The following MTBP variants were observed in gnomAD, a reference collection of about 807,000 sequenced individuals.
The protein encoded by MTBP is mdm2-binding protein.
MTBP carries 101 observed loss-of-function variants against 117.0 expected under a neutral mutation model. That is an observed-to-expected ratio of 0.86 (90% CI 0.73 to 1.02). The LOEUF (loss-of-function observed/expected upper bound fraction) is 1.02. Ranked by LOEUF, MTBP falls within the 50% of genes least tolerant of loss-of-function variation. The pLI, the probability that MTBP is intolerant of heterozygous loss-of-function variation, is 0.00. For missense variants in MTBP, 970 were observed against 1,030.9 expected (o/e 0.94, Z 0.81); for synonymous variants, 350 against 351.5 (o/e 1.00, Z 0.05).
At chr8:120,510,163 G>A in intron 17 of MTBP, 134 bp downstream of exon 17, 1 of 541,924 alleles carries the variant, frequency 1.8e-6, no homozygotes, top group Non-Finnish European at 3.1e-6. Context: ...AAAAAGCAAA[G>A]TAGTGCATAC....
chr8:120,479,328 C>G (rs989413136), intron 11 of MTBP, among the ~76,000 whole-genome samples: 1 of 152,136 alleles, frequency 6.6e-6, no homozygotes, highest in Non-Finnish European at 1.5e-5. Flanking sequence ...TAGCACAGTA[C>G]AAGTGATCTA....
At chr8:120,489,272 C>T (rs866095052) in intron 12 of MTBP, among the ~76,000 whole-genome samples, 5 of 151,990 alleles carry the variant, frequency 3.3e-5, no homozygotes, top group Non-Finnish European at 5.9e-5. Context: ...CTCTTGACCT[C>T]GTGATCTGCC....
At chr8:120,497,582 G>GTTA (rs201682486) in intron 14 of MTBP, 28 bp downstream of exon 14, 6 of 1,119,838 alleles carry the variant, frequency 5.4e-6, no homozygotes, top group Non-Finnish European at 7.4e-6. Context: ...TTAAATTTTA[G>GTTA]TTCGTGTGTG....
chr8:120,509,872 C>A, intron 16 of MTBP, 62 bp from the exon 17 acceptor site: 2 of 1,173,558 alleles, frequency 1.7e-6, no homozygotes, highest in Admixed American at 2.1e-5. Context: ...TAGATACTTT[C>A]TTTAACTTTC....
chr8:120,465,211 T>C (rs755924979), intron 10 of MTBP, among the ~76,000 whole-genome samples: 1 of 152,158 alleles, frequency 6.6e-6, no homozygotes, highest in Non-Finnish European at 1.5e-5. Flanking sequence ...CTTGTATGGA[T>C]TGAGAAAATT....
At chr8:120,455,356 C>A in intron 5 of MTBP, 79 bp from the exon 6 acceptor site, 1 of 707,062 alleles carries the variant, frequency 1.4e-6, no homozygotes, top group Non-Finnish European at 2.2e-6. Context: ...ACATAAAATT[C>A]AGTTCTTCAG....
At chr8:120,461,091 C>T in intron 8 of MTBP, 70 bp from the exon 9 acceptor site, 1 of 1,150,566 alleles carries the variant, frequency 8.7e-7, no homozygotes, top group Non-Finnish European at 1.3e-6. Context: ...AGTTTTAAAC[C>T]CTTAATCACT....
In MTBP at chr8:120,475,023, T is replaced by C. The variant is rs141638263; in HGVS notation, c.1165+4086T>C. On this transcript the variant is annotated intron_variant, in intron 11 of 21. Coordinates refer to ENST00000305949, the MANE Select transcript of MTBP (RefSeq NM_022045.5). ...TTTTTATCGAGCACTTACAATATAT[T>C]AGGCACTGTTTTACATGCTGGACAA... Among the ~76,000 whole-genome samples the C allele has an allele frequency of 1.7e-4, 26 of 151,276 alleles. No individual in the cohort carries two copies. The East Asian group carries it at 5.0e-3, about 29-fold the overall frequency.
intron 11 of MTBP, chr8:120,472,995 G>T (rs1813853152): frequency 1.3e-5 from 2 of 152,124 alleles, no homozygotes; most frequent in Non-Finnish European, 2.9e-5. Flanking sequence ...ATCCACTGGG[G>T]ATTGGTTCCA....
chr8:120,464,868 C>T (rs1441565595), intron 10 of MTBP, among the ~76,000 whole-genome samples: 3 of 151,884 alleles, frequency 2.0e-5, no homozygotes, highest in South Asian at 2.1e-4. Flanking sequence ...TACTAGATTT[C>T]GGGAACCCAG....
rs199647128 is a variant in MTBP, at chr8:120,470,850, A to G, written c.1078A>G (p.Ile360Val). Residue 360 changes from isoleucine (I) to valine (V), a missense_variant, in exon 11 of 22, where the codon ATT becomes GTT. Coordinates refer to ENST00000305949, the MANE Select transcript of MTBP (RefSeq NM_022045.5). ...VGALFVLPCTISNILIPPPNQ... is the reference protein window; with the variant it reads ...VGALFVLPCTVSNILIPPPNQ... ...TGCTCTTTTTGTATTGCCATGTACC[A>G]TTAGTAACATACTGATTCCACCTCC... 3 of 1,611,382 alleles carry G rather than the reference A, an allele frequency of 1.9e-6. No individual in the cohort carries two copies. Among genetic ancestry groups the G allele is most frequent in the African/African-American group, 1.3e-5 (1 of 74,956 alleles).
intron 11 of MTBP, among the ~76,000 whole-genome samples, chr8:120,483,939 C>T (rs1814154659): frequency 6.6e-6 from 1 of 152,002 alleles, no homozygotes; most frequent in South Asian, 2.1e-4. Flanking sequence ...CTCTCTGTGG[C>T]ATTTACATAA....
rs571575923 is a variant in MTBP at position 120,482,000 on chromosome 8, C to G, written c.1166-6159C>G. Among the ~76,000 whole-genome samples, 4 of 152,058 alleles carry G rather than the reference C, an allele frequency of 2.6e-5. No homozygotes were observed. In the South Asian group the frequency reaches 8.3e-4, roughly 32 times the overall value. On this transcript the variant is annotated intron_variant, in intron 11 of 21. Transcript: ENST00000305949. ...TCAATCTAAATGCAGAGTTTTGTTT[C>G]TCTCTCTAGTTCAATGATTCTTAAC...
intron 20 of MTBP, among the ~76,000 whole-genome samples, chr8:120,520,666 C>G (rs1245526154): frequency 6.6e-6 from 1 of 152,038 alleles, no homozygotes; most frequent in Non-Finnish European, 1.5e-5. Context: ...AGGAAATAAT[C>G]TAGTTTATAT....
At chr8:120,468,241 A>G (rs1813740918) in intron 10 of MTBP, among the ~76,000 whole-genome samples, 1 of 152,214 alleles carries the variant, frequency 6.6e-6, no homozygotes, top group Non-Finnish European at 1.5e-5. Flanking sequence ...AAAAATAAGC[A>G]TATTTCTTTT....
chr8:120,472,452 T>G (rs1182574862), intron 11 of MTBP: 2 of 101,278 alleles, frequency 2.0e-5, no homozygotes, highest in Non-Finnish European at 2.7e-5. Flanking sequence ...AACATTTTAT[T>G]TGCTTATAGT....
rs369070145 is a variant in MTBP at position 120,469,303 on chromosome 8, C to T, written c.1048-1517C>T. On this transcript the variant is annotated intron_variant, in intron 10 of 21. Coordinates refer to ENST00000305949, the MANE Select transcript of MTBP (RefSeq NM_022045.5). ...TCAGGTGATCCACTTGCCTCGGCCT[C>T]CCAAAGTGCTGAGATTACAGGTATG... Among the ~76,000 whole-genome samples the T allele has an allele frequency of 2.8e-4, 42 of 152,248 alleles. No individual in the cohort carries two copies. In the South Asian group the frequency reaches 8.5e-3, roughly 31 times the overall value.
chr8:120,467,355 C>CTGT (rs1308013020), intron 10 of MTBP, among the ~76,000 whole-genome samples: 1 of 152,148 alleles, frequency 6.6e-6, no homozygotes, highest in Admixed American at 6.5e-5. Flanking sequence ...TGACTCACGC[C>CTGT]TGTAATCCCA....
chr8:120,518,005 A>G lies in MTBP; in HGVS notation c.2401A>G (p.Lys801Glu). ...LVPIPSCETP[K>E]LATKTSSGQK... ...TCCAATTCCTAGCTGTGAAACTCCA[A>G]AACTTGCTACAAAGACCAGTTCAGG... Residue 801 changes from lysine (K) to glutamate (E), a missense_variant, in exon 19 of 22, where the codon AAA becomes GAA. Physicochemically the swap from Lys to Glu is moderately conservative, Grantham distance 56. Coordinates refer to ENST00000305949, the MANE Select transcript of MTBP (RefSeq NM_022045.5). 1 of 1,612,898 alleles carries G rather than the reference A, an allele frequency of 6.2e-7. No individual in the cohort carries two copies.
Sources: gnomAD v4.1 joint callset for allele counts (sites outside exome capture counted in the v4.1 genomes callset) on GRCh38, gnomAD v4.1.1 for gene constraint, MANE v1.5 for transcripts, NCBI Gene and HGNC (gene_info 2026-07-23, HGNC 2026-07-21) for gene names.